The following YIPF7 variants were observed in gnomAD, a reference collection of about 807,000 sequenced individuals.
YIPF7 encodes protein YIPF7.
In YIPF7, 35 loss-of-function variants were observed where a neutral mutation model predicts 27.2. That is an observed-to-expected ratio of 1.29 (90% CI 0.98 to 1.70). The LOEUF (loss-of-function observed/expected upper bound fraction) is 1.70. YIPF7 is among the 40% of genes most tolerant of loss of function. The pLI, the probability that YIPF7 is intolerant of heterozygous loss-of-function variation, is 0.00. For missense variants in YIPF7, 358 were observed against 303.7 expected (o/e 1.18, Z -1.33); for synonymous variants, 137 against 110.4 (o/e 1.24, Z -1.51).
At chr4:44,655,101 A>G (rs1299863268), upstream of YIPF7, among the ~76,000 whole-genome samples, 4 of 152,062 alleles carry the variant, frequency 2.6e-5, no homozygotes, top group African/African-American at 4.8e-5. Flanking sequence ...TGAGTTGCTC[A>G]ATAGATATAT....
At chr4:44,656,846 A>C (rs543749232) in intron 2 of YIPF7, among the ~76,000 whole-genome samples, 74 of 152,298 alleles carry the variant, frequency 4.9e-4, no homozygotes, top group African/African-American at 1.7e-3. Context: ...CAATAAAAAA[A>C]TAAAATTTCT....
chr4:44,634,887 G>T (rs1713052184), intron 3 of YIPF7, among the ~76,000 whole-genome samples: 1 of 152,176 alleles, frequency 6.6e-6, no homozygotes. Context: ...TTTATTACTT[G>T]TAGAGGCAAA....
intron 1 of YIPF7, 81 bp from the exon 2 acceptor site, chr4:44,650,182 A>C: frequency 1.2e-6 from 1 of 825,586 alleles, no homozygotes; most frequent in Non-Finnish European, 2.0e-6. Context: ...TCAAATGACA[A>C]TGTGATTATG....
intron 2 of YIPF7, among the ~76,000 whole-genome samples, chr4:44,660,118 A>AAAAAAAAAAAAAAAAAAAAAAAAAC (rs1714005776): frequency 6.9e-6 from 1 of 144,000 alleles, no homozygotes; most frequent in Non-Finnish European, 1.5e-5. Context: ...TGTCTCAAAA[A>AAAAAAAAAAAAAAAAAAAAAAAAAC]AAAAAAAAAA....
chr4:44,624,316 G>A (rs906725875), intron 5 of YIPF7, among the ~76,000 whole-genome samples: 4 of 151,892 alleles, frequency 2.6e-5, no homozygotes, highest in Admixed American at 6.6e-5. Context: ...CGCCCACCTC[G>A]GCCTCCCAAA....
chr4:44,652,517 G>T (rs1476329835), upstream of YIPF7, among the ~76,000 whole-genome samples: 1 of 152,206 alleles, frequency 6.6e-6, no homozygotes, highest in African/African-American at 2.4e-5. Flanking sequence ...TTCAACTGGA[G>T]CCAACAGCAG....
intron 3 of YIPF7, among the ~76,000 whole-genome samples, chr4:44,631,009 G>T (rs1419946547): frequency 6.6e-6 from 1 of 152,156 alleles, no homozygotes; most frequent in Non-Finnish European, 1.5e-5. Flanking sequence ...CTGAGTGTTT[G>T]CTATGGACTC....
upstream of YIPF7, among the ~76,000 whole-genome samples, chr4:44,654,133 G>A (rs919535882): frequency 6.6e-6 from 1 of 151,952 alleles, no homozygotes; most frequent in Admixed American, 6.6e-5. Flanking sequence ...TTAATGCATA[G>A]GCAAGAATAT....
chr4:44,635,721 A>G (rs1033908028), intron 3 of YIPF7, among the ~76,000 whole-genome samples: 4 of 152,144 alleles, frequency 2.6e-5, no homozygotes, highest in Non-Finnish European at 4.4e-5. Context: ...AGAATATCTC[A>G]TATCTGCACC....
upstream of YIPF7, chr4:44,651,630 A>T: frequency 6.3e-7 from 1 of 1,577,122 alleles, no homozygotes; most frequent in Non-Finnish European, 8.6e-7. Context: ...TCCATTGGTG[A>T]AAAGATGACA....
chr4:44,645,288 T>G (rs186552839), intron 2 of YIPF7, among the ~76,000 whole-genome samples: 1 of 152,224 alleles, frequency 6.6e-6, no homozygotes, highest in Non-Finnish European at 1.5e-5. Context: ...TTCCTTTTTT[T>G]ACTAAGTGGC....
At chr4:44,657,931 T>A (rs1469817749) in intron 2 of YIPF7, among the ~76,000 whole-genome samples, 1 of 152,056 alleles carries the variant, frequency 6.6e-6, no homozygotes, top group Non-Finnish European at 1.5e-5. Flanking sequence ...GTAATTGCTA[T>A]GGACTGGCAG....
chr4:44,655,263 T>C (rs1713857229), upstream of YIPF7, among the ~76,000 whole-genome samples: 2 of 152,064 alleles, frequency 1.3e-5, 1 homozygote, highest in South Asian at 4.1e-4. Context: ...AATCTAAGTA[T>C]AATGCAAAAT....
intron 3 of YIPF7, among the ~76,000 whole-genome samples, chr4:44,630,127 C>T (rs1273159175): frequency 6.6e-6 from 1 of 152,144 alleles, no homozygotes; most frequent in Non-Finnish European, 1.5e-5. Flanking sequence ...CACCACCACA[C>T]CTGGTTAATC....
At chr4:44,644,295 G>A (rs1011601650) in intron 2 of YIPF7, among the ~76,000 whole-genome samples, 3 of 152,316 alleles carry the variant, frequency 2.0e-5, no homozygotes, top group East Asian at 3.9e-4. Context: ...GAAGAATTGT[G>A]TAGGGCCACA....
At chr4:44,646,581 C>T (rs1182485741) in intron 2 of YIPF7, among the ~76,000 whole-genome samples, 4 of 151,936 alleles carry the variant, frequency 2.6e-5, no homozygotes, top group African/African-American at 9.7e-5. Context: ...TCAGTGACTA[C>T]CTATAGATGG....
intron 2 of YIPF7, among the ~76,000 whole-genome samples, chr4:44,657,130 T>A (rs190815674): frequency 1.6e-4 from 24 of 152,302 alleles, no homozygotes; most frequent in Non-Finnish European, 3.1e-4. Flanking sequence ...CAGGTGAGAA[T>A]TGTTAAGACA....
chr4:44,634,964 G>A (rs753113323), intron 3 of YIPF7, among the ~76,000 whole-genome samples: 7 of 152,120 alleles, frequency 4.6e-5, no homozygotes, highest in Non-Finnish European at 8.8e-5. Flanking sequence ...CCAATAGATC[G>A]ATTATATAAA....
At chr4:44,644,315 T>C (rs910498920) in intron 2 of YIPF7, among the ~76,000 whole-genome samples, 1 of 152,206 alleles carries the variant, frequency 6.6e-6, no homozygotes, top group Non-Finnish European at 1.5e-5. Context: ...ACATAAAATA[T>C]GCTAACACTA....
Sources: allele counts gnomAD v4.1 joint callset (sites outside exome capture counted in the v4.1 genomes callset), GRCh38; gene constraint gnomAD v4.1.1; transcripts MANE v1.5; gene names NCBI Gene and HGNC (gene_info 2026-07-23, HGNC 2026-07-21).